PEAK1: variants seen among roughly 807,000 people sequenced by gnomAD.
The protein encoded by PEAK1 is inactive tyrosine-protein kinase PEAK1.
A neutral mutation model predicts 124.7 loss-of-function variants in PEAK1; 54 were observed. The ratio of observed to expected loss-of-function variants is 0.43; its 90% confidence interval spans 0.35 to 0.54. The LOEUF (loss-of-function observed/expected upper bound fraction) is 0.54. Ranked by LOEUF, PEAK1 falls within the 20% of genes least tolerant of loss-of-function variation. PEAK1 has a pLI of 0.01. For synonymous variants in PEAK1, 719 were observed against 760.0 expected, an observed-to-expected ratio of 0.95 and a Z score of 0.89; for missense variants, 2,046 against 2,134.5, an observed-to-expected ratio of 0.96 and a Z score of 0.82.
At chr15:77,365,963 T>C (rs2068207291) in intron 1 of PEAK1, among the ~76,000 whole-genome samples, 1 of 151,860 alleles carries the variant, frequency 6.6e-6, no homozygotes, top group Admixed American at 6.6e-5. Context: ...AGCAAATAAG[T>C]AAATTAAATA....
intron 6 of PEAK1, among the ~76,000 whole-genome samples, chr15:77,203,236 G>A (rs2152849078): frequency 6.6e-6 from 1 of 151,884 alleles, no homozygotes; most frequent in Non-Finnish European, 1.5e-5. Context: ...AGAGAGGCAG[G>A]CACTCACAGC....
At chr15:77,267,390 C>G (rs939827026) in intron 5 of PEAK1, among the ~76,000 whole-genome samples, 2 of 152,128 alleles carry the variant, frequency 1.3e-5, no homozygotes, top group African/African-American at 4.8e-5. Context: ...CACCTCCTAT[C>G]TGAAGGCCAA....
At chr15:77,168,392 T>C (rs987277829) in intron 7 of PEAK1, among the ~76,000 whole-genome samples, 1 of 152,100 alleles carries the variant, frequency 6.6e-6, no homozygotes, top group Admixed American at 6.5e-5. Flanking sequence ...TTACCAGGGG[T>C]AAGCGAACTT....
At chr15:77,160,838 A>G (rs1410940855) in intron 7 of PEAK1, among the ~76,000 whole-genome samples, 1 of 152,110 alleles carries the variant, frequency 6.6e-6, no homozygotes, top group Non-Finnish European at 1.5e-5. Flanking sequence ...CCTGGTTATT[A>G]CTAAAAGAAA....
chr15:77,172,616 A>G (rs1350521594), intron 7 of PEAK1, among the ~76,000 whole-genome samples: 1 of 152,216 alleles, frequency 6.6e-6, no homozygotes, highest in Admixed American at 6.5e-5. Context: ...TTCACAACTC[A>G]AACTATTTCA....
At chr15:77,349,447 A>C in intron 2 of PEAK1, 2 of 983,606 alleles carry the variant, frequency 2.0e-6, no homozygotes, top group Non-Finnish European at 2.4e-6. Flanking sequence ...ATAGGAGCAA[A>C]TTAAATTGCC....
Position 77,365,192 on chromosome 15 carries a change from T to C in PEAK1, c.-632A>G, listed in dbSNP as rs1209745136. ...GGTTTTTAGATAAACCACAAAGAAA[T>C]GTCTACAGCATAAGTTCCAGTTTGG... On this transcript the variant is annotated 5_prime_UTR_variant, in exon 2 of 10. Coordinates refer to ENST00000682557, the MANE Select transcript of PEAK1 (RefSeq NM_001385026.1). The C allele has an allele frequency of 2.0e-6, 2 of 982,354 alleles. No homozygotes were observed. The highest frequency in any genetic ancestry group is 2.4e-6 in the Non-Finnish European group (2 of 827,322). The allele number at this position is 982,354 out of a possible 1,614,324, so 60.9% of individuals were successfully genotyped here.
intron 9 of PEAK1, among the ~76,000 whole-genome samples, chr15:77,124,326 A>G (rs2052187132): frequency 6.6e-6 from 1 of 152,358 alleles, no homozygotes; most frequent in South Asian, 2.1e-4. Context: ...GTCTATGACC[A>G]CATTTCTAGG....
At chr15:77,384,068 T>C (rs1445456552) in intron 1 of PEAK1, among the ~76,000 whole-genome samples, 1 of 152,158 alleles carries the variant, frequency 6.6e-6, no homozygotes, top group Non-Finnish European at 1.5e-5. Flanking sequence ...TCAATACTAA[T>C]TGTAATACAG....
chr15:77,223,494 C>G (rs1376669294), intron 6 of PEAK1, among the ~76,000 whole-genome samples: 1 of 152,032 alleles, frequency 6.6e-6, no homozygotes, highest in South Asian at 2.1e-4. Context: ...AGCAAGCAAT[C>G]TGGATATTAC....
intron 7 of PEAK1, among the ~76,000 whole-genome samples, chr15:77,163,271 A>C (rs1179265472): frequency 6.6e-6 from 1 of 152,248 alleles, no homozygotes; most frequent in Non-Finnish European, 1.5e-5. Flanking sequence ...ATACTTAAAA[A>C]ACCATGTCAT....
chr15:77,273,939 C>A (rs1410139657), intron 5 of PEAK1, among the ~76,000 whole-genome samples: 1 of 152,088 alleles, frequency 6.6e-6, no homozygotes, highest in Non-Finnish European at 1.5e-5. Context: ...GCATAGAGAC[C>A]AATGGAACAG....
At chr15:77,415,084 T>C (rs1403249831) in intron 1 of PEAK1, among the ~76,000 whole-genome samples, 2 of 152,220 alleles carry the variant, frequency 1.3e-5, no homozygotes, top group Non-Finnish European at 2.9e-5. Flanking sequence ...CATAAGGTTC[T>C]TGAGAGTATT....
chr15:77,219,322 T>A (rs1035017252), intron 6 of PEAK1, among the ~76,000 whole-genome samples: 22 of 152,098 alleles, frequency 1.4e-4, no homozygotes, highest in Non-Finnish European at 1.5e-5. Flanking sequence ...ATCTGAATTA[T>A]CACAAAAAGA....
chr15:77,240,642 T>C (rs1211397456), intron 6 of PEAK1, among the ~76,000 whole-genome samples: 1 of 152,210 alleles, frequency 6.6e-6, no homozygotes, highest in Non-Finnish European at 1.5e-5. Context: ...TCATATACAT[T>C]AAACAATATG....
chr15:77,187,857 C>T (rs1408580698), intron 6 of PEAK1, among the ~76,000 whole-genome samples: 2 of 152,146 alleles, frequency 1.3e-5, no homozygotes, highest in African/African-American at 4.8e-5. Context: ...TCAAGGTTCT[C>T]ACTAGGCTTT....
intron 7 of PEAK1, 45 bp from the exon 8 acceptor site, chr15:77,158,741 T>A (rs541717988): frequency 6.3e-7 from 1 of 1,580,604 alleles, no homozygotes; most frequent in Non-Finnish European, 8.7e-7. Flanking sequence ...TGGAAGGTTC[T>A]ACTAAAATTT....
At chr15:77,232,664 T>A (rs2059956646) in intron 6 of PEAK1, among the ~76,000 whole-genome samples, 1 of 152,222 alleles carries the variant, frequency 6.6e-6, no homozygotes. Flanking sequence ...AATGTTCTTC[T>A]TTAAGGATAA....
intron 5 of PEAK1, among the ~76,000 whole-genome samples, chr15:77,259,815 G>C (rs928348544): frequency 1.3e-5 from 2 of 152,128 alleles, no homozygotes; most frequent in African/African-American, 4.8e-5. Context: ...CTTCAGTAGA[G>C]GGAGGAAGAA....
Sources: allele counts gnomAD v4.1 joint callset (sites outside exome capture counted in the v4.1 genomes callset), GRCh38; gene constraint gnomAD v4.1.1; transcripts MANE v1.5; gene names NCBI Gene and HGNC (gene_info 2026-07-23, HGNC 2026-07-21).